MLLT3: variants seen among roughly 807,000 people sequenced by gnomAD.
The protein encoded by MLLT3 is protein AF-9.
A neutral mutation model predicts 53.2 loss-of-function variants in MLLT3; 4 were observed. The ratio of observed to expected loss-of-function variants is 0.08; its 90% CI spans 0.04 to 0.17. MLLT3 has a LOEUF of 0.17. MLLT3 is among the 10% of genes least tolerant of loss of function. MLLT3 has a pLI of 1.00. For synonymous variants in MLLT3, 283 were observed against 230.6 expected, an observed-to-expected ratio of 1.23 and a Z score of -2.06; for missense variants, 569 against 684.0, an observed-to-expected ratio of 0.83 and a Z score of 1.87.
At chr9:20,552,494 C>T (rs1818948450) in intron 2 of MLLT3, among the ~76,000 whole-genome samples, 1 of 152,108 alleles carries the variant, frequency 6.6e-6, no homozygotes, top group African/African-American at 2.4e-5. Flanking sequence ...GCTGCTAGAA[C>T]ATCTCCTTCC....
rs866805593 is a variant in MLLT3, at chr9:20,575,983, C to T, written c.193+44671G>A. On this transcript the variant is annotated intron_variant, in intron 2 of 10. Transcript: ENST00000380338. Reference sequence around the variant, plus strand: ...ATAACATCTTTTTCCAATCGAAGGCCGTTTCACCTACATTGAAAATCTGTT... The same window carrying T: ...ATAACATCTTTTTCCAATCGAAGGCTGTTTCACCTACATTGAAAATCTGTT... Among the ~76,000 whole-genome samples, 5 of 152,304 alleles carry T rather than the reference C, an allele frequency of 3.3e-5. No homozygotes were observed. In the Middle Eastern group the frequency reaches 0.01, roughly 311 times the overall value.
intron 2 of MLLT3, among the ~76,000 whole-genome samples, chr9:20,560,761 A>G (rs897593749): frequency 1.3e-5 from 2 of 152,022 alleles, no homozygotes; most frequent in South Asian, 2.1e-4. Flanking sequence ...AAAATTTTTT[A>G]TTCTATTTTT....
intron 2 of MLLT3, among the ~76,000 whole-genome samples, chr9:20,519,919 T>C (rs1818017081): frequency 6.6e-6 from 1 of 152,228 alleles, no homozygotes; most frequent in Admixed American, 6.5e-5. Flanking sequence ...GCAGCACTAT[T>C]CACAGTAGCA....
intron 8 of MLLT3, among the ~76,000 whole-genome samples, chr9:20,357,324 G>T (rs1292242523): frequency 6.6e-6 from 1 of 152,082 alleles, no homozygotes; most frequent in Non-Finnish European, 1.5e-5. Flanking sequence ...CATAAGGGAG[G>T]TTTGGAGTGA....
At chr9:20,543,761 AAGG>A (rs956100771) in intron 2 of MLLT3, among the ~76,000 whole-genome samples, 4 of 151,304 alleles carry the variant, frequency 2.6e-5, no homozygotes, top group East Asian at 1.9e-4. Context: ...AAGGAAGGAA[AAGG>A]AGGAGGAGGA....
intron 2 of MLLT3, among the ~76,000 whole-genome samples, chr9:20,487,736 A>C (rs2118916354): frequency 6.6e-6 from 1 of 152,300 alleles, no homozygotes; most frequent in Middle Eastern, 3.4e-3. Flanking sequence ...ATTTATGTCA[A>C]AAATCAAGGC....
At chr9:20,399,485 AATC>A (rs1377571826) in intron 5 of MLLT3, among the ~76,000 whole-genome samples, 1 of 152,140 alleles carries the variant, frequency 6.6e-6, no homozygotes, top group African/African-American at 2.4e-5. Context: ...ACGGAAAAAC[AATC>A]ATCATCCAAG....
intron 5 of MLLT3, among the ~76,000 whole-genome samples, chr9:20,401,968 A>G (rs1303159450): frequency 6.6e-6 from 1 of 152,184 alleles, no homozygotes; most frequent in African/African-American, 2.4e-5. Flanking sequence ...TTTTGAGAAT[A>G]GTTGGCGTTG....
intron 2 of MLLT3, among the ~76,000 whole-genome samples, chr9:20,565,909 A>AATAT (rs1344321991): frequency 7.9e-6 from 1 of 126,466 alleles, no homozygotes. Context: ...TCAAGGAAAA[A>AATAT]ATATATATAT....
chr9:20,439,103 C>A (rs1226323560), intron 4 of MLLT3, among the ~76,000 whole-genome samples: 1 of 152,040 alleles, frequency 6.6e-6, no homozygotes, highest in East Asian at 1.9e-4. Context: ...ATCTGTAATC[C>A]CAGCACTTTC....
chr9:20,373,850 A>C (rs1392312761), intron 5 of MLLT3, among the ~76,000 whole-genome samples: 1 of 152,116 alleles, frequency 6.6e-6, no homozygotes, highest in Non-Finnish European at 1.5e-5. Context: ...AGAAAACACA[A>C]ATATAGGACA....
chr9:20,413,983 G>A lies in MLLT3; in HGVS notation c.863C>T (p.Ser288Leu). The part of the protein sequence containing the change: ...KKAPSKRPPI[S>L]DSEELSAKKR... ...TTTGGCTGAGAGTTCTTCAGAATCT[G>A]AAATGGGCGGCCTTTTACTAGGAGC... The change falls in exon 5 of 11, where the codon TCA (serine) becomes TTA (leucine). Residue 288 changes from serine to leucine, a missense_variant. Coordinates refer to ENST00000380338, the MANE Select transcript of MLLT3 (RefSeq NM_004529.4). The A allele has an allele frequency of 6.2e-7, 1 of 1,614,096 alleles. No individual in the cohort carries two copies. Among genetic ancestry groups the A allele is most frequent in the Non-Finnish European group, 8.5e-7 (1 of 1,179,998 alleles).
chr9:20,615,843 C>A, intron 2 of MLLT3, among the ~76,000 whole-genome samples: 1 of 145,142 alleles, frequency 6.9e-6, no homozygotes, highest in Non-Finnish European at 1.5e-5. Context: ...GTAAGAGGAC[C>A]TAGTTGTCTT....
At chr9:20,619,873 G>T (rs1482702664) in intron 2 of MLLT3, among the ~76,000 whole-genome samples, 1 of 152,084 alleles carries the variant, frequency 6.6e-6, no homozygotes, top group Non-Finnish European at 1.5e-5. Context: ...AGGTGGGGAG[G>T]GACTAAAGCA....
Position 20,343,213 on chromosome 9 carries a change from A to T in MLLT3, c.*3230T>A, listed in dbSNP as rs143639197. ...AAAAAAAAAAAAAAAAAAAAAAAAA[A>T]ATTTTGAAGAAACTTTTTAGTGGAA... On this transcript the variant is annotated 3_prime_UTR_variant, in exon 11 of 11. Transcript: ENST00000380338. 3.1e-4 allele frequency: 31 copies of T among 98,428 alleles called. No individual in the cohort carries two copies. The highest frequency in any genetic ancestry group is 1.2e-3 in the African/African-American group (16 of 12,954). The allele number at this position is 98,428 out of a possible 1,614,324, so 6.1% of individuals were successfully genotyped here.
Position 20,413,625 on chromosome 9 carries a change from C to A in MLLT3, c.1125+96G>T, listed in dbSNP as rs1469906418. The A allele has an allele frequency of 1.1e-5, 12 of 1,050,622 alleles. No homozygotes were observed. In the Admixed American group the frequency reaches 1.7e-4, roughly 15 times the overall value. The allele number at this position is 1,050,622 out of a possible 1,614,324, so 65.1% of individuals were successfully genotyped here. On this transcript the variant is annotated intron_variant, in intron 5 of 10. Coordinates refer to ENST00000380338, the MANE Select transcript of MLLT3 (RefSeq NM_004529.4). ...ACCTCTGTGCTACCATTTTATGGCT[C>A]AGCATTCATTTTCTTCCCTCATTCT...
chr9:20,439,411 T>C (rs1331624223), intron 4 of MLLT3, among the ~76,000 whole-genome samples: 1 of 148,810 alleles, frequency 6.7e-6, no homozygotes, highest in East Asian at 2.0e-4. Flanking sequence ...AAATAACTGA[T>C]CTATGGACTA....
chr9:20,493,148 A>G (rs1427551072), intron 2 of MLLT3, among the ~76,000 whole-genome samples: 1 of 152,008 alleles, frequency 6.6e-6, no homozygotes, highest in Non-Finnish European at 1.5e-5. Flanking sequence ...TAAACATTAT[A>G]AACTTTTTCT....
intron 2 of MLLT3, among the ~76,000 whole-genome samples, chr9:20,470,956 C>A (rs1015664131): frequency 3.9e-5 from 6 of 151,988 alleles, no homozygotes; most frequent in Non-Finnish European, 8.8e-5. Context: ...CAAATAATTT[C>A]TTCCTTGGAG....
Sources: allele counts gnomAD v4.1 joint callset (sites outside exome capture counted in the v4.1 genomes callset), GRCh38; gene constraint gnomAD v4.1.1; transcripts MANE v1.5; gene names NCBI Gene and HGNC (gene_info 2026-07-23, HGNC 2026-07-21).